The following SPAG16 variants were observed in gnomAD, a reference collection of about 807,000 sequenced individuals.
SPAG16 encodes sperm associated antigen 16.
In SPAG16, 86 loss-of-function variants were observed where a neutral mutation model predicts 80.4. The ratio of observed to expected loss-of-function variants is 1.07; its 90% CI spans 0.90 to 1.28. The LOEUF (loss-of-function observed/expected upper bound fraction) is 1.28, where lower values mean the gene tolerates loss of function less well. Ranked by LOEUF, SPAG16 falls within the 50% of genes most tolerant of loss-of-function variation. The pLI is 0.00. For missense variants in SPAG16, 870 were observed against 765.3 expected (o/e 1.14, Z -1.61); for synonymous variants, 294 against 265.9 (o/e 1.11, Z -1.03).
intron 8 of SPAG16, among the ~76,000 whole-genome samples, chr2:213,372,359 A>T (rs928863757): frequency 6.6e-6 from 1 of 152,114 alleles, no homozygotes; most frequent in East Asian, 1.9e-4. Context: ...GAAGTGAAAA[A>T]TTGTGAAAGC....
chr2:214,013,874 C>T (rs2047444161), intron 12 of SPAG16, 77 bp from the exon 13 acceptor site: 5 of 1,394,466 alleles, frequency 3.6e-6, no homozygotes, highest in Admixed American at 4.7e-5. Context: ...TGCCTCAGTT[C>T]CTTAAATTAT....
At chr2:214,237,703 G>A (rs1689173148) in intron 15 of SPAG16, among the ~76,000 whole-genome samples, 1 of 151,938 alleles carries the variant, frequency 6.6e-6, no homozygotes, top group Admixed American at 6.6e-5. Context: ...TTTACTCTTG[G>A]GAGTAACTAT....
Position 213,981,203 on chromosome 2 carries a change from C to T in SPAG16, c.1401-32748C>T, listed in dbSNP as rs1489410561. ...GAATGCTGCTATAAGAATACAAATC[C>T]TTTCAGATCAGTGCTTCACCCTTAA... is the stretch of plus-strand genomic sequence containing the variant. On this transcript the variant is annotated intron_variant, in intron 12 of 15. Transcript: ENST00000331683. 2.0e-5 allele frequency among the ~76,000 whole-genome samples: 3 copies of T among 152,178 alleles called. No individual in the cohort carries two copies. The East Asian group carries it at 5.8e-4, about 29-fold the overall frequency.
intron 9 of SPAG16, among the ~76,000 whole-genome samples, chr2:213,468,532 TAGATATATATATATGTATTTATATATAG>T (rs2072869878): frequency 7.4e-6 from 1 of 135,826 alleles, no homozygotes; most frequent in African/African-American, 2.9e-5. Context: ...TATTTATATA[TAGATATATATATATGTATTTATATATAG>T]AGATATATAT....
intron 14 of SPAG16, among the ~76,000 whole-genome samples, chr2:214,144,476 A>C (rs755501882): frequency 1.3e-5 from 2 of 152,154 alleles, no homozygotes; most frequent in Non-Finnish European, 2.9e-5. Flanking sequence ...ATATTCATAT[A>C]GTCATTCTAC....
chr2:214,384,369 T>C (rs1700630304), intron 15 of SPAG16, among the ~76,000 whole-genome samples: 1 of 152,262 alleles, frequency 6.6e-6, no homozygotes, highest in African/African-American at 2.4e-5. Flanking sequence ...CAGATAATCC[T>C]GTGAAACATG....
intron 15 of SPAG16, among the ~76,000 whole-genome samples, chr2:214,401,683 T>C (rs1701716801): frequency 6.6e-6 from 1 of 151,898 alleles, no homozygotes; most frequent in African/African-American, 2.4e-5. Context: ...CTTCTATTTC[T>C]TATAACAAAG....
At chr2:213,836,077 A>G (rs570975230) in intron 10 of SPAG16, among the ~76,000 whole-genome samples, 3 of 152,190 alleles carry the variant, frequency 2.0e-5, no homozygotes, top group Admixed American at 6.5e-5. Context: ...CCTGTCACTA[A>G]CCGTATCTAG....
intron 15 of SPAG16, among the ~76,000 whole-genome samples, chr2:214,289,582 A>G (rs76443707): frequency 0.065 from 9,854 of 152,260 alleles, 348 homozygotes; most frequent in Middle Eastern, 0.11. Flanking sequence ...CCATTGGTCT[A>G]TGTGTCTGCT....
intron 10 of SPAG16, among the ~76,000 whole-genome samples, chr2:213,689,478 G>C (rs968664156): frequency 7.4e-6 from 1 of 134,536 alleles, no homozygotes; most frequent in Non-Finnish European, 1.6e-5. Flanking sequence ...GAAGCAGTTT[G>C]ATCCTTTTGG....
intron 10 of SPAG16, among the ~76,000 whole-genome samples, chr2:213,588,737 G>A (rs567551467): frequency 1.3e-4 from 18 of 139,168 alleles, no homozygotes; most frequent in Admixed American, 7.8e-5. Flanking sequence ...GGGAAGCAGA[G>A]CTTGCAGTGA....
Position 213,579,679 on chromosome 2 carries a change from C to T in SPAG16, c.1070+89589C>T, listed in dbSNP as rs558535650. Among the ~76,000 whole-genome samples the T allele has an allele frequency of 1.4e-3, 220 of 152,084 alleles. 1 individual carries two copies. The highest frequency in any genetic ancestry group is 4.8e-3 in the African/African-American group (200 of 41,510). Reference sequence around the variant, plus strand: ...GTGTTCTTTTTTGTATAATCAATTTCGATGTCCCTTTACATTGATTTGACT... The same window carrying T: ...GTGTTCTTTTTTGTATAATCAATTTTGATGTCCCTTTACATTGATTTGACT... On this transcript the variant is annotated intron_variant, in intron 10 of 15. Transcript: ENST00000331683.
At chr2:213,830,414 T>C (rs1275987139) in intron 10 of SPAG16, among the ~76,000 whole-genome samples, 1 of 152,180 alleles carries the variant, frequency 6.6e-6, no homozygotes, top group Admixed American at 6.5e-5. Context: ...TTCAATGGTC[T>C]TTAGTGCCTC....
At chr2:214,311,249 C>T (rs1695291318) in intron 15 of SPAG16, among the ~76,000 whole-genome samples, 5 of 152,142 alleles carry the variant, frequency 3.3e-5, no homozygotes. Context: ...CTCTAGGGAT[C>T]CCACAGCTCC....
intron 9 of SPAG16, among the ~76,000 whole-genome samples, chr2:213,430,489 C>T (rs2070224824): frequency 6.6e-6 from 1 of 152,066 alleles, no homozygotes; most frequent in African/African-American, 2.4e-5. Flanking sequence ...AACTCATCAG[C>T]TATTGTTATT....
chr2:213,875,261 G>A (rs1315115542), intron 11 of SPAG16, among the ~76,000 whole-genome samples: 1 of 152,000 alleles, frequency 6.6e-6, no homozygotes, highest in Non-Finnish European at 1.5e-5. Flanking sequence ...TCTACATTTG[G>A]AGGGTTTTAA....
At chr2:213,826,499 C>A (rs2073312858) in intron 10 of SPAG16, among the ~76,000 whole-genome samples, 1 of 144,168 alleles carries the variant, frequency 6.9e-6, no homozygotes, top group African/African-American at 2.4e-5. Flanking sequence ...TTCCTTGACC[C>A]ACTGATCATT....
intron 10 of SPAG16, among the ~76,000 whole-genome samples, chr2:213,681,352 G>A (rs543411588): frequency 6.1e-4 from 93 of 152,324 alleles, no homozygotes; most frequent in Non-Finnish European, 2.4e-4. Context: ...TGTCAGGCAT[G>A]ACTCCCTAGA....
intron 13 of SPAG16, among the ~76,000 whole-genome samples, chr2:214,080,118 A>G (rs529230454): frequency 1.1e-4 from 17 of 152,288 alleles, no homozygotes; most frequent in African/African-American, 2.4e-4. Flanking sequence ...CAATTATATC[A>G]CTTAATAAAT....
Sources: allele counts gnomAD v4.1 joint callset (sites outside exome capture counted in the v4.1 genomes callset), GRCh38; gene constraint gnomAD v4.1.1; transcripts MANE v1.5; gene names NCBI Gene and HGNC (gene_info 2026-07-23, HGNC 2026-07-21).